Variants in KAT6B observed in about 807,000 individuals in gnomAD.
KAT6B encodes the protein histone acetyltransferase KAT6B.
In KAT6B, 10 loss-of-function variants were observed where a neutral mutation model predicts 187.5. The observed-to-expected ratio is 0.05, with a 90% CI of 0.03 to 0.09. The LOEUF (loss-of-function observed/expected upper bound fraction) is 0.09. Among genes scored for constraint, KAT6B ranks in the 10% least tolerant of loss-of-function variants. The probability of loss-of-function intolerance (pLI) is 1.00; values close to 1 mark genes in which losing one functional copy is unlikely to be tolerated. For synonymous variants in KAT6B, 861 were observed against 926.8 expected, an observed-to-expected ratio of 0.93 and a Z score of 1.29; for missense variants, 1,952 against 2,558.9, an observed-to-expected ratio of 0.76 and a Z score of 5.12.
chr10:74,937,216 C>T (rs928132662), intron 3 of KAT6B, among the ~76,000 whole-genome samples: 2 of 152,082 alleles, frequency 1.3e-5, no homozygotes, highest in Non-Finnish European at 2.9e-5. Context: ...CTCTAAAAAG[C>T]GTAAAATGTA....
chr10:74,919,425 A>G (rs1388634970), intron 3 of KAT6B, among the ~76,000 whole-genome samples: 2 of 151,746 alleles, frequency 1.3e-5, no homozygotes, highest in Admixed American at 6.6e-5. Context: ...TTTGAGATGA[A>G]GTCTTGCTCT....
chr10:74,869,669 G>T (rs1035175583), intron 3 of KAT6B, among the ~76,000 whole-genome samples: 3 of 152,138 alleles, frequency 2.0e-5, no homozygotes, highest in Non-Finnish European at 4.4e-5. Context: ...TTCGAACAAA[G>T]GACCATATGC....
At chr10:74,952,804 A>C (rs987471692) in intron 3 of KAT6B, among the ~76,000 whole-genome samples, 15 of 149,556 alleles carry the variant, frequency 1.0e-4, no homozygotes, top group Non-Finnish European at 1.8e-4. Flanking sequence ...CTTCTGCCTC[A>C]GCCTCCTGAG....
chr10:74,989,894 G>A (rs1031341461), intron 13 of KAT6B, among the ~76,000 whole-genome samples: 6 of 151,784 alleles, frequency 4.0e-5, no homozygotes, highest in African/African-American at 1.5e-4. Context: ...GTCATTTCTC[G>A]TCATGTAAAA....
At chr10:74,860,233 TC>T (rs1843085736) in intron 3 of KAT6B, among the ~76,000 whole-genome samples, 2 of 152,090 alleles carry the variant, frequency 1.3e-5, no homozygotes, top group Non-Finnish European at 2.9e-5. Flanking sequence ...CCACTTAGGT[TC>T]CCCATTTAGT....
chr10:75,000,183 C>CT (rs1204412941), intron 13 of KAT6B, among the ~76,000 whole-genome samples: 1 of 144,996 alleles, frequency 6.9e-6, no homozygotes, highest in Non-Finnish European at 1.5e-5. Flanking sequence ...TTTTTTTTTT[C>CT]TTTTTTTAAA....
At chr10:75,000,524 C>T (rs931172542) in intron 13 of KAT6B, among the ~76,000 whole-genome samples, 9 of 152,016 alleles carry the variant, frequency 5.9e-5, no homozygotes, top group Admixed American at 1.3e-4. Flanking sequence ...GTGTAACTAA[C>T]GCTATAAAGG....
chr10:74,885,880 C>T (rs535682998), intron 3 of KAT6B, among the ~76,000 whole-genome samples: 63 of 152,116 alleles, frequency 4.1e-4, no homozygotes, highest in African/African-American at 9.9e-4. Context: ...TACAGGTGCA[C>T]GCCACCACAT....
chr10:74,959,276 G>A (rs568835276), intron 3 of KAT6B, among the ~76,000 whole-genome samples: 3 of 152,106 alleles, frequency 2.0e-5, no homozygotes, highest in South Asian at 4.2e-4. Flanking sequence ...AGCAATCTGC[G>A]CTGCAATATT....
intron 3 of KAT6B, 119 bp downstream of exon 3, chr10:74,843,597 C>A: frequency 7.8e-7 from 1 of 1,283,330 alleles, no homozygotes; most frequent in Non-Finnish European, 1.1e-6. Context: ...GAATGTTTTG[C>A]CTTAGAGCAG....
At chr10:74,826,040 C>CCGCCCGCGCG, upstream of KAT6B, among the ~76,000 whole-genome samples, 1 of 151,610 alleles carries the variant, frequency 6.6e-6, no homozygotes, top group South Asian at 2.1e-4. Context: ...CTTCGCGTGC[C>CCGCCCGCGCG]CGCCCGCGCG....
intron 3 of KAT6B, among the ~76,000 whole-genome samples, chr10:74,939,292 T>C (rs1270002323): frequency 6.6e-5 from 10 of 152,186 alleles, no homozygotes. Context: ...TAACTATGAA[T>C]TATGGGTGCT....
At position 74,997,156 on chromosome 10, in the gene KAT6B, G is replaced by A. The variant is rs543212678; in HGVS notation, c.2629+8044G>A. Among the ~76,000 whole-genome samples, 95 of 151,928 alleles carry A rather than the reference G, an allele frequency of 6.3e-4. No individual in the cohort carries two copies. In the Middle Eastern group the frequency reaches 0.014, roughly 22 times the overall value. On this transcript the variant is annotated intron_variant, in intron 13 of 17. Transcript: ENST00000287239. ...ACAGGAGACTCACTTGAGCCCAGGA[G>A]TTCAACACCAGCCTGGGCAACACAA...
Position 74,959,758 on chromosome 10 carries a change from A to G in KAT6B, c.622-212A>G, listed in dbSNP as rs569203402. Among the ~76,000 whole-genome samples, 59 of 152,374 alleles carry G rather than the reference A, an allele frequency of 3.9e-4. No homozygotes were observed. In the South Asian group the frequency reaches 0.01, roughly 27 times the overall value. On this transcript the variant is annotated intron_variant, in intron 3 of 17. Transcript: ENST00000287239. ...TGAGCCGAGATTGTGCCACTGCACT[A>G]CAACCTGGCGACAGAGCGAGACTTC...
chr10:75,021,375 C>T, intron 15 of KAT6B, 90 bp downstream of exon 15: 5 of 1,366,158 alleles, frequency 3.7e-6, no homozygotes, highest in Non-Finnish European at 4.1e-6. Flanking sequence ...TTGTCAAAAG[C>T]TTGGTTATGT....
chr10:75,030,223 A>C lies in KAT6B; in HGVS notation c.5399A>C (p.Gln1800Pro), dbSNP rs749138548. Residue 1800 changes from glutamine to proline, a missense_variant, in exon 18 of 18, where the codon CAG becomes CCG. Transcript: ENST00000287239. This position sits in a 1 kb window ranked among gnomAD's most constrained non-coding sequence, Gnocchi z 4.8. ...ANIGLYERMG[Q>P]SDFGAGHYPQ... ...ATTGGCTTATACGAGCGAATGGGTC[A>C]GAGTGATTTTGGGGCTGGGCATTAC... is the stretch of plus-strand genomic sequence containing the variant. 5 of 1,614,224 alleles carry C rather than the reference A, an allele frequency of 3.1e-6. No individual in the cohort carries two copies. Among genetic ancestry groups the C allele is most frequent in the Non-Finnish European group, 3.4e-6 (4 of 1,180,038 alleles).
intron 12 of KAT6B, among the ~76,000 whole-genome samples, chr10:74,986,455 A>C (rs1301961869): frequency 6.6e-6 from 1 of 152,230 alleles, no homozygotes; most frequent in Non-Finnish European, 1.5e-5. Context: ...TGCTTTATAG[A>C]AGTGCCATTT....
At chr10:74,989,923 G>T (rs948291039) in intron 13 of KAT6B, among the ~76,000 whole-genome samples, 6 of 152,042 alleles carry the variant, frequency 3.9e-5, no homozygotes, top group Non-Finnish European at 7.4e-5. Flanking sequence ...CTGGCCGGGC[G>T]TGGTGGCTTA....
intron 3 of KAT6B, among the ~76,000 whole-genome samples, chr10:74,855,436 A>G (rs1223516806): frequency 1.3e-5 from 2 of 152,234 alleles, no homozygotes; most frequent in Non-Finnish European, 2.9e-5. Flanking sequence ...AAACATAAGA[A>G]CATATTAAAA....
Sources: gnomAD v4.1 joint callset for allele counts (sites outside exome capture counted in the v4.1 genomes callset) on GRCh38, gnomAD v4.1.1 for gene constraint, Gnocchi (gnomAD v3.1) non-coding constraint, MANE v1.5 for transcripts, NCBI Gene and HGNC (gene_info 2026-07-23, HGNC 2026-07-21) for gene names.